C1orf54: variants seen among roughly 807,000 people sequenced by gnomAD.
C1orf54 encodes the protein uncharacterized protein C1orf54.
Under a neutral mutation model 14.7 loss-of-function variants are expected in C1orf54, and 12 were observed. The ratio of observed to expected loss-of-function variants is 0.82; its 90% CI spans 0.52 to 1.32. C1orf54 has a LOEUF of 1.32. C1orf54 is among the 40% of genes most tolerant of loss of function. The pLI, the probability that C1orf54 is intolerant of heterozygous loss-of-function variation, is 0.00. For synonymous variants in C1orf54, 65 were observed against 56.3 expected, an observed-to-expected ratio of 1.16 and a Z score of -0.70; for missense variants, 163 against 162.2, an observed-to-expected ratio of 1.00 and a Z score of -0.03.
At position 150,280,541 on chromosome 1, in the gene C1orf54, G is replaced by A. The variant is rs139948878; in HGVS notation, c.*4-294G>A. Among the ~76,000 whole-genome samples, 345 of 152,370 alleles carry A rather than the reference G, an allele frequency of 2.3e-3. 2 individuals carry two copies. The highest frequency in any genetic ancestry group is 7.0e-3 in the African/African-American group (291 of 41,592). ...AAGAGGCAAAGTTCAGAGGCAGAACGGATGGCGGTTCTCTGATGTATGGCA... is the reference window on the plus strand; with the variant it reads ...AAGAGGCAAAGTTCAGAGGCAGAACAGATGGCGGTTCTCTGATGTATGGCA... On this transcript the variant is annotated intron_variant, in intron 5 of 5. Transcript: ENST00000369099.
At chr1:150,273,172 G>A (rs1431643873) in intron 1 of C1orf54, among the ~76,000 whole-genome samples, 1 of 152,212 alleles carries the variant, frequency 6.6e-6, no homozygotes, top group Non-Finnish European at 1.5e-5. Context: ...AAGTAAGGGT[G>A]AAGGAGGGAT....
chr1:150,276,715 C>A, intron 4 of C1orf54, 83 bp downstream of exon 4: 1 of 1,139,806 alleles, frequency 8.8e-7, no homozygotes, highest in Non-Finnish European at 1.3e-6. Context: ...GAATACCAGG[C>A]TTTGGTGGAT....
intron 1 of C1orf54, among the ~76,000 whole-genome samples, chr1:150,273,692 A>G (rs587654280): frequency 6.6e-6 from 1 of 152,332 alleles, no homozygotes; most frequent in African/African-American, 2.4e-5. Context: ...AGAGATACTG[A>G]TAAGAAAAGA....
chr1:150,274,327 G>A (rs912851379), intron 2 of C1orf54, among the ~76,000 whole-genome samples, 157 bp downstream of exon 2: 3 of 152,172 alleles, frequency 2.0e-5, no homozygotes, highest in South Asian at 2.1e-4. Context: ...GGGGCCGGGC[G>A]TGGTGGCTCA....
chr1:150,272,661 G>T, upstream of C1orf54: 1 of 702,630 alleles, frequency 1.4e-6, no homozygotes. Flanking sequence ...CGGAGATCTA[G>T]TCAGTCAGCC....
At chr1:150,275,906 G>A (rs1460818736) in intron 3 of C1orf54, 107 bp downstream of exon 3, 1 of 942,156 alleles carries the variant, frequency 1.1e-6, no homozygotes, top group African/African-American at 1.7e-5. Context: ...GGAGGCCAAG[G>A]CGAGTGGATC....
At chr1:150,273,955 T>C (rs1452898945) in intron 1 of C1orf54, 132 bp from the exon 2 acceptor site, 5 of 664,028 alleles carry the variant, frequency 7.5e-6, no homozygotes, top group Non-Finnish European at 1.1e-5. Flanking sequence ...AGTATGACTA[T>C]TGGAGGAGAG....
At position 150,275,724 on chromosome 1, in the gene C1orf54, TTC is replaced by T; in HGVS notation, c.131-15_131-14del. ...CATTTTTCTTTAATTATTACTGATT[TTC>T]TTTCTCCTCTGCAGATGACTTTAGT... is the stretch of plus-strand genomic sequence containing the variant. On this transcript the variant is annotated splice_polypyrimidine_tract_variant and intron_variant, in intron 2 of 5. Coordinates refer to ENST00000369099, the MANE Select transcript of C1orf54 (RefSeq NM_024579.4). 6.3e-7 allele frequency: 1 copy of T among 1,594,704 alleles called. No homozygotes were observed. Among genetic ancestry groups the T allele is most frequent in the Non-Finnish European group, 8.6e-7 (1 of 1,164,282 alleles).
At chr1:150,273,753 G>A (rs992472872) in intron 1 of C1orf54, among the ~76,000 whole-genome samples, 11 of 152,170 alleles carry the variant, frequency 7.2e-5, no homozygotes, top group Admixed American at 2.0e-4. Context: ...AAGACTTGGC[G>A]TTTTTAATTC....
intron 5 of C1orf54, among the ~76,000 whole-genome samples, chr1:150,280,445 G>A (rs1158037429): frequency 1.3e-5 from 2 of 152,216 alleles, no homozygotes; most frequent in African/African-American, 4.8e-5. Context: ...GCTAGTTCCA[G>A]CCTGGCCACG....
intron 5 of C1orf54, 133 bp downstream of exon 5, chr1:150,279,874 G>A (rs1652956311): frequency 2.5e-6 from 2 of 795,324 alleles, no homozygotes; most frequent in Admixed American, 5.2e-5. Flanking sequence ...GCCACTGAAG[G>A]AAGAGATTTA....
At chr1:150,268,857 A>G (rs1163954333), upstream of C1orf54, 2 of 1,539,628 alleles carry the variant, frequency 1.3e-6, no homozygotes, top group Admixed American at 1.9e-5. Flanking sequence ...AGGACAGGCA[A>G]ATGGGAGGGG....
At chr1:150,280,596 C>T (rs1653012463) in intron 5 of C1orf54, among the ~76,000 whole-genome samples, 1 of 152,072 alleles carries the variant, frequency 6.6e-6, no homozygotes, top group Admixed American at 6.6e-5. Context: ...AAGAGAAAGC[C>T]GTATTATAGG....
At chr1:150,268,944 C>G, upstream of C1orf54, 1 of 700,356 alleles carries the variant, frequency 1.4e-6, no homozygotes, top group Non-Finnish European at 2.4e-6. Context: ...CCCCAGACCC[C>G]GGGGAAGGGG....
chr1:150,273,960 G>GGAGAGA, intron 1 of C1orf54, 127 bp from the exon 2 acceptor site: 1 of 650,190 alleles, frequency 1.5e-6, no homozygotes, highest in South Asian at 1.8e-5. Context: ...GACTATTGGA[G>GGAGAGA]GAGAGAGAGA....
upstream of C1orf54, among the ~76,000 whole-genome samples, chr1:150,269,786 C>T (rs1652069193): frequency 6.6e-6 from 1 of 152,100 alleles, no homozygotes; most frequent in South Asian, 2.1e-4. Context: ...GTAGGCTGAG[C>T]GCGGTGGCTC....
At chr1:150,270,327 A>G (rs1368143311), upstream of C1orf54, among the ~76,000 whole-genome samples, 1 of 152,114 alleles carries the variant, frequency 6.6e-6, no homozygotes, top group Admixed American at 6.6e-5. Flanking sequence ...TCTGGAAAGG[A>G]GCTGAGGAAT....
intron 2 of C1orf54, among the ~76,000 whole-genome samples, chr1:150,275,437 A>T (rs1259361766): frequency 6.6e-6 from 1 of 151,916 alleles, no homozygotes; most frequent in African/African-American, 2.4e-5. Context: ...CAGGAGCTGG[A>T]GGTGGCAGTG....
At chr1:150,274,266 T>C (rs1652449629) in intron 2 of C1orf54, 96 bp downstream of exon 2, 1 of 939,590 alleles carries the variant, frequency 1.1e-6, no homozygotes, top group Admixed American at 2.1e-5. Context: ...AGCAGAGCAA[T>C]GGGGTCAGAG....
Sources: gnomAD v4.1 joint callset for allele counts (sites outside exome capture counted in the v4.1 genomes callset) on GRCh38, gnomAD v4.1.1 for gene constraint, MANE v1.5 for transcripts, NCBI Gene and HGNC (gene_info 2026-07-23, HGNC 2026-07-21) for gene names.